The following LINGO2 variants were observed in gnomAD, a reference collection of about 807,000 sequenced individuals.
The protein encoded by LINGO2 is leucine-rich repeat and immunoglobulin-like domain-containing nogo receptor-interacting protein 2.
Under a neutral mutation model 30.6 loss-of-function variants are expected in LINGO2, and 14 were observed. The observed-to-expected ratio is 0.46, with a 90% CI of 0.30 to 0.72. LINGO2 has a LOEUF of 0.72. LINGO2 is among the 30% of genes least tolerant of loss of function. The probability of loss-of-function intolerance (pLI) is 0.07; values close to 1 mark genes in which losing one functional copy is unlikely to be tolerated. For missense variants in LINGO2, 729 were observed against 751.7 expected, an observed-to-expected ratio of 0.97 and a Z score of 0.35; for synonymous variants, 317 against 288.5, an observed-to-expected ratio of 1.10 and a Z score of -1.00.
intron 5 of LINGO2, among the ~76,000 whole-genome samples, chr9:27,963,737 G>GT (rs1819960907): frequency 2.9e-5 from 4 of 139,562 alleles, no homozygotes; most frequent in Non-Finnish European, 6.0e-5. Flanking sequence ...TGAGGTAAGG[G>GT]TAAAAAAAAA....
At chr9:28,325,774 G>A (rs551443415) in intron 3 of LINGO2, among the ~76,000 whole-genome samples, 4 of 151,898 alleles carry the variant, frequency 2.6e-5, no homozygotes, top group African/African-American at 9.7e-5. Context: ...TGCCTTTATA[G>A]GCAGTGTGAA....
chr9:28,734,486 C>G, the LINGO2 span, among the ~76,000 whole-genome samples: 1 of 152,188 alleles, frequency 6.6e-6, no homozygotes, highest in Non-Finnish European at 1.5e-5. Context: ...TAGGGGACTA[C>G]TGTATTGTTA....
chr9:28,767,837 A>G, the LINGO2 span, among the ~76,000 whole-genome samples: 4 of 149,020 alleles, frequency 2.7e-5, no homozygotes, highest in Non-Finnish European at 5.9e-5. Flanking sequence ...CTTTTCAGCT[A>G]TCATTTTCTC....
intron 4 of LINGO2, among the ~76,000 whole-genome samples, chr9:28,031,006 A>T (rs1823640547): frequency 6.6e-6 from 1 of 152,180 alleles, no homozygotes; most frequent in East Asian, 1.9e-4. Context: ...GAGAACAAGG[A>T]TTTAAATGAT....
the LINGO2 span, among the ~76,000 whole-genome samples, chr9:28,980,895 A>G: frequency 6.6e-6 from 1 of 152,108 alleles, no homozygotes; most frequent in South Asian, 2.1e-4. Flanking sequence ...GACTGTTCTG[A>G]TAACTGTTGT....
chr9:28,265,307 G>A (rs1411021063), intron 4 of LINGO2, among the ~76,000 whole-genome samples: 1 of 151,740 alleles, frequency 6.6e-6, no homozygotes, highest in Non-Finnish European at 1.5e-5. Context: ...AGTATAAAAA[G>A]GATAAATCTG....
At chr9:27,988,450 G>A (rs1821232544) in intron 5 of LINGO2, among the ~76,000 whole-genome samples, 2 of 151,958 alleles carry the variant, frequency 1.3e-5, no homozygotes. Flanking sequence ...GGTTGAACTA[G>A]CTTACAGTCC....
chr9:27,999,499 G>T (rs1196910531), intron 5 of LINGO2, among the ~76,000 whole-genome samples: 1 of 151,160 alleles, frequency 6.6e-6, no homozygotes, highest in African/African-American at 2.4e-5. Context: ...GCATTTGCAT[G>T]TATGCTTATG....
At chr9:28,244,777 C>A (rs1303386984) in intron 4 of LINGO2, among the ~76,000 whole-genome samples, 1 of 149,434 alleles carries the variant, frequency 6.7e-6, no homozygotes, top group Non-Finnish European at 1.5e-5. Flanking sequence ...TTGCATAGAC[C>A]AATAACAAGT....
intron 3 of LINGO2, among the ~76,000 whole-genome samples, chr9:28,342,960 C>G (rs943125098): frequency 6.6e-6 from 1 of 152,128 alleles, no homozygotes; most frequent in Admixed American, 6.6e-5. Context: ...ATGAGACATT[C>G]ACTGGCAGCA....
intron 1 of LINGO2, among the ~76,000 whole-genome samples, chr9:28,629,739 G>A (rs1164799207): frequency 6.6e-6 from 1 of 151,840 alleles, no homozygotes; most frequent in Non-Finnish European, 1.5e-5. Context: ...TAAAACTAAG[G>A]ATACTTTAAA....
intron 4 of LINGO2, among the ~76,000 whole-genome samples, chr9:28,050,289 G>A (rs1347611984): frequency 1.3e-5 from 2 of 150,732 alleles, no homozygotes; most frequent in Non-Finnish European, 2.9e-5. Context: ...CTGTCTGTAA[G>A]GAACTCACAT....
Position 28,048,678 on chromosome 9 carries a change from C to G in LINGO2, c.-86-36273G>C, listed in dbSNP as rs143407173. On this transcript the variant is annotated intron_variant, in intron 4 of 5. Transcript: ENST00000379992. ...AACAATATATGCACAGAACACTTAT[C>G]TACGATGCCAAAAGGCTGAAAATAG... Among the ~76,000 whole-genome samples the G allele has an allele frequency of 1.5e-3, 224 of 150,776 alleles. 11 individuals are homozygous for G. Among genetic ancestry groups the G allele is most frequent in the African/African-American group, 5.3e-3 (215 of 40,834 alleles).
At chr9:28,696,973 C>T in the LINGO2 span, among the ~76,000 whole-genome samples, 2 of 151,836 alleles carry the variant, frequency 1.3e-5, no homozygotes, top group Non-Finnish European at 2.9e-5. Context: ...TAGGTGTCCT[C>T]GAGTTGTTTT....
intron 3 of LINGO2, among the ~76,000 whole-genome samples, chr9:28,354,924 C>A (rs1344869979): frequency 6.6e-6 from 1 of 152,152 alleles, no homozygotes; most frequent in Non-Finnish European, 1.5e-5. Flanking sequence ...GATCAGCTTG[C>A]TGTTGTGCAT....
intron 1 of LINGO2, among the ~76,000 whole-genome samples, chr9:28,595,469 C>T (rs1825130592): frequency 6.6e-6 from 1 of 151,956 alleles, no homozygotes; most frequent in African/African-American, 2.4e-5. Flanking sequence ...CCCTTTGCAG[C>T]CTGGAAATTC....
chr9:28,430,196 G>A (rs1195814976), intron 2 of LINGO2, among the ~76,000 whole-genome samples: 1 of 152,064 alleles, frequency 6.6e-6, no homozygotes, highest in Non-Finnish European at 1.5e-5. Flanking sequence ...ACAGCTGACT[G>A]GAGCATAGTG....
At chr9:28,023,022 C>G (rs1292686537) in intron 4 of LINGO2, among the ~76,000 whole-genome samples, 1 of 151,428 alleles carries the variant, frequency 6.6e-6, no homozygotes, top group Non-Finnish European at 1.5e-5. Context: ...GATTCTTTCT[C>G]AGAGTTTTCC....
rs1042686350 is a variant in LINGO2 at position 28,495,013 on chromosome 9, T to C, written c.-364-18988A>G. 9.6e-3 allele frequency among the ~76,000 whole-genome samples: 1,459 copies of C among 152,262 alleles called. 23 individuals carry two copies. The highest frequency in any genetic ancestry group is 0.033 in the African/African-American group (1,372 of 41,552). On this transcript the variant is annotated intron_variant, in intron 1 of 5. Transcript: ENST00000379992. ...ATGTGTCTGTTGGCTGCATAAATGT[T>C]TTCTTTTGAGAAGTGTCTGTTCATA...
Sources: allele counts gnomAD v4.1 joint callset (sites outside exome capture counted in the v4.1 genomes callset), GRCh38; gene constraint gnomAD v4.1.1; transcripts MANE v1.5; gene names NCBI Gene and HGNC (gene_info 2026-07-23, HGNC 2026-07-21).